Variants in DNAI7 observed in about 807,000 individuals in gnomAD.
The protein encoded by DNAI7 is dynein axonemal intermediate chain 7.
Under a neutral mutation model 86.6 loss-of-function variants are expected in DNAI7, and 78 were observed. The observed-to-expected ratio is 0.90, with a 90% CI of 0.75 to 1.09. DNAI7 has a LOEUF of 1.09. DNAI7 is among the 50% of genes least tolerant of loss of function. DNAI7 has a pLI of 0.00. For missense variants in DNAI7, 753 were observed against 810.2 expected (o/e 0.93, Z 0.86); for synonymous variants, 274 against 273.0 (o/e 1.00, Z -0.04).
chr12:25,185,841 GC>G, intron 2 of DNAI7: 2 of 670,682 alleles, frequency 3.0e-6, no homozygotes, highest in South Asian at 6.7e-5. Context: ...CCCCCCTTTT[GC>G]CCATTCATTA....
chr12:25,180,726 A>G (rs1949417020), intron 2 of DNAI7, among the ~76,000 whole-genome samples: 1 of 152,244 alleles, frequency 6.6e-6, no homozygotes, highest in African/African-American at 2.4e-5. Context: ...AAAACTGGCT[A>G]GCCACTTGCA....
intron 7 of DNAI7, among the ~76,000 whole-genome samples, chr12:25,148,011 G>A (rs1014161314): frequency 2.0e-5 from 3 of 151,932 alleles, no homozygotes; most frequent in Non-Finnish European, 4.4e-5. Context: ...TGTCATAAAG[G>A]GTTTGAATAA....
intron 2 of DNAI7, among the ~76,000 whole-genome samples, chr12:25,170,149 G>C (rs767221266): frequency 2.0e-5 from 3 of 152,006 alleles, no homozygotes; most frequent in Non-Finnish European, 4.4e-5. Flanking sequence ...CCAGCATTTT[G>C]GGAGGCTGAG....
chr12:25,176,778 T>C (rs944368914), intron 2 of DNAI7, among the ~76,000 whole-genome samples: 2 of 151,956 alleles, frequency 1.3e-5, no homozygotes, highest in Non-Finnish European at 2.9e-5. Context: ...AACGTATATA[T>C]ATGAAAAATA....
Position 25,108,473 on chromosome 12 carries a change from A to T in DNAI7, c.*75T>A. The stretch of plus-strand genomic sequence containing the variant: ...TTTGAAATGTATTCATTCACTCATT[A>T]CATTGTGTTGCAGAAATACCTGTCT... On this transcript the variant is annotated 3_prime_UTR_variant, in exon 16 of 16. Transcript: ENST00000395987. 8.0e-7 allele frequency: 1 copy of T among 1,253,842 alleles called. No homozygotes were observed. The highest frequency in any genetic ancestry group is 1.1e-6 in the Non-Finnish European group (1 of 904,308). 77.7% of individuals were successfully genotyped at this position (1,253,842 alleles called of 1,614,324 possible).
chr12:25,146,170 C>T (rs1365726093), intron 8 of DNAI7, among the ~76,000 whole-genome samples: 2 of 150,636 alleles, frequency 1.3e-5, no homozygotes, highest in East Asian at 2.0e-4. Context: ...TGCAGTGAGC[C>T]GAGATTGCGC....
intron 9 of DNAI7, among the ~76,000 whole-genome samples, chr12:25,133,265 G>A (rs1463425866): frequency 1.3e-5 from 2 of 151,016 alleles, no homozygotes; most frequent in Non-Finnish European, 2.9e-5. Context: ...GTCCATTCTC[G>A]ACTTCGAGTT....
chr12:25,175,378 C>CT (rs1229502886), intron 2 of DNAI7, among the ~76,000 whole-genome samples: 2 of 151,808 alleles, frequency 1.3e-5, no homozygotes, highest in South Asian at 2.1e-4. Context: ...TTAAACTTTT[C>CT]TTTTTTTTGA....
chr12:25,122,346 A>G (rs957413316), intron 10 of DNAI7, among the ~76,000 whole-genome samples: 10 of 150,472 alleles, frequency 6.6e-5, no homozygotes, highest in Non-Finnish European at 1.5e-5. Context: ...GGTCCCAGCT[A>G]CTCAGCAGGC....
chr12:25,116,446 T>C (rs10771169), intron 12 of DNAI7, among the ~76,000 whole-genome samples: 77,209 of 151,888 alleles, frequency 0.51, 23,137 homozygotes, highest in East Asian at 0.89. Flanking sequence ...AGTTGTAGAG[T>C]GAAATTATTC....
At chr12:25,120,280 GGA>G (rs1357647669) in intron 11 of DNAI7, among the ~76,000 whole-genome samples, 1 of 148,394 alleles carries the variant, frequency 6.7e-6, no homozygotes, top group African/African-American at 2.5e-5. Flanking sequence ...GTGTGTTAGG[GGA>G]GAGAGGGTGA....
intron 2 of DNAI7, among the ~76,000 whole-genome samples, chr12:25,167,173 T>C (rs185534447): frequency 4.9e-4 from 75 of 152,322 alleles, no homozygotes; most frequent in African/African-American, 1.4e-3. Flanking sequence ...AGGCAGGCTA[T>C]GCTATAGTAC....
chr12:25,124,997 A>G (rs988428617), intron 9 of DNAI7, among the ~76,000 whole-genome samples: 4 of 151,972 alleles, frequency 2.6e-5, no homozygotes, highest in Non-Finnish European at 4.4e-5. Flanking sequence ...GGGTATGTAC[A>G]TTTTCTTTAT....
intron 2 of DNAI7, among the ~76,000 whole-genome samples, chr12:25,161,927 G>A (rs1039072159): frequency 6.6e-6 from 1 of 152,120 alleles, no homozygotes; most frequent in Non-Finnish European, 1.5e-5. Context: ...TTTTGAGAAG[G>A]GCTGTGGCTA....
At chr12:25,116,815 GATAA>G (rs1456269714) in intron 12 of DNAI7, among the ~76,000 whole-genome samples, 14 of 152,022 alleles carry the variant, frequency 9.2e-5, no homozygotes, top group Admixed American at 2.0e-4. Flanking sequence ...TTTTTAATGT[GATAA>G]ATACTTAGGA....
intron 6 of DNAI7, among the ~76,000 whole-genome samples, chr12:25,152,381 T>C (rs1298000835): frequency 6.6e-6 from 1 of 152,186 alleles, no homozygotes; most frequent in Non-Finnish European, 1.5e-5. Flanking sequence ...CAAGCATGCC[T>C]ACATAAATGA....
intron 2 of DNAI7, among the ~76,000 whole-genome samples, chr12:25,178,143 T>G (rs1949142445): frequency 6.6e-6 from 1 of 152,194 alleles, no homozygotes; most frequent in Non-Finnish European, 1.5e-5. Context: ...GTGTTCCCCC[T>G]TTTGTCATGC....
intron 2 of DNAI7, among the ~76,000 whole-genome samples, chr12:25,184,019 C>T (rs910271774): frequency 4.6e-5 from 7 of 152,132 alleles, no homozygotes; most frequent in Non-Finnish European, 7.3e-5. Flanking sequence ...GACCTGTATC[C>T]TCTTTCCCAA....
Position 25,110,216 on chromosome 12 carries a change from A to C in DNAI7, c.1804T>G (p.Tyr602Asp), listed in dbSNP as rs144326128. ...NKVPLVEVKA[Y>D]RQMALLSSAF... ...GAACTTAGTAGGGCCATCTGTCGATAAGCTTTCACTTCTACCAAAGGAACC... is the reference window on the plus strand; with the variant it reads ...GAACTTAGTAGGGCCATCTGTCGATCAGCTTTCACTTCTACCAAAGGAACC... Residue 602 changes from tyrosine (Y) to aspartate (D), a missense_variant, in exon 15 of 16, where the codon TAT (tyrosine) becomes GAT (aspartate). Tyr to Asp is a radical substitution (Grantham distance 160, BLOSUM62 -3). Coordinates refer to ENST00000395987, the MANE Select transcript of DNAI7 (RefSeq NM_018272.5). 4.4e-6 allele frequency: 7 copies of C among 1,608,908 alleles called. No individual in the cohort carries two copies. The highest frequency in any genetic ancestry group is 6.0e-6 in the Non-Finnish European group (7 of 1,175,396).
Sources: gnomAD v4.1 joint callset for allele counts (sites outside exome capture counted in the v4.1 genomes callset) on GRCh38, gnomAD v4.1.1 for gene constraint, MANE v1.5 for transcripts, NCBI Gene and HGNC (gene_info 2026-07-23, HGNC 2026-07-21) for gene names.